CADPS2: variants seen among roughly 807,000 people sequenced by gnomAD.
CADPS2 encodes the protein calcium-dependent secretion activator 2.
Under a neutral mutation model 172.5 loss-of-function variants are expected in CADPS2, and 93 were observed. The observed-to-expected ratio is 0.54, with a 90% confidence interval of 0.46 to 0.64. The LOEUF (loss-of-function observed/expected upper bound fraction) is 0.64, where lower values mean the gene tolerates loss of function less well. CADPS2 is among the 30% of genes least tolerant of loss of function. The pLI is 0.00. For missense variants in CADPS2, 1,420 were observed against 1,565.9 expected (o/e 0.91, Z 1.57); for synonymous variants, 546 against 555.2 (o/e 0.98, Z 0.23).
rs367701027 is a variant in CADPS2, at chr7:122,622,127, G to A, written c.868-410C>T. Among the ~76,000 whole-genome samples the A allele has an allele frequency of 1.1e-4, 16 of 152,224 alleles. No homozygotes were observed. The East Asian group carries it at 3.1e-3, about 29-fold the overall frequency. On this transcript the variant is annotated intron_variant, in intron 4 of 29. Coordinates refer to ENST00000449022, the MANE Select transcript of CADPS2 (RefSeq NM_017954.11). ...CAGGACACACAGCTTTCCAAGTTAG[G>A]AAACAAACATTTTAACAATAGCCCA...
chr7:122,527,015 AAAGG>A (rs2061293351), intron 8 of CADPS2, among the ~76,000 whole-genome samples: 2 of 152,206 alleles, frequency 1.3e-5, no homozygotes, highest in South Asian at 2.1e-4. Flanking sequence ...AAACTATAAT[AAAGG>A]AAGTAAATAT....
intron 6 of CADPS2, among the ~76,000 whole-genome samples, chr7:122,583,684 C>T (rs145056672): frequency 1.4e-4 from 21 of 150,694 alleles, no homozygotes; most frequent in Middle Eastern, 3.6e-3. Flanking sequence ...TGTGTATATA[C>T]GTATATACAT....
chr7:122,575,532 G>T (rs912842433), intron 7 of CADPS2, among the ~76,000 whole-genome samples: 1 of 151,656 alleles, frequency 6.6e-6, no homozygotes, highest in Non-Finnish European at 1.5e-5. Flanking sequence ...CCCCTCCAGG[G>T]TTCAAGCGAT....
chr7:122,506,740 A>AAC (rs1165538367), intron 9 of CADPS2, among the ~76,000 whole-genome samples: 1 of 151,782 alleles, frequency 6.6e-6, no homozygotes, highest in Non-Finnish European at 1.5e-5. Context: ...AAAAAAAAAA[A>AAC]AAACAAACAA....
rs541327668 is a variant in CADPS2, at chr7:122,484,395, A to G, written c.1853-3535T>C. 1.8e-3 allele frequency among the ~76,000 whole-genome samples: 274 copies of G among 152,198 alleles called. 2 individuals carry two copies. Among genetic ancestry groups the G allele is most frequent in the African/African-American group, 6.2e-3 (257 of 41,562 alleles). On this transcript the variant is annotated intron_variant, in intron 11 of 29. Coordinates refer to ENST00000449022, the MANE Select transcript of CADPS2 (RefSeq NM_017954.11). ...GATTTTTCACAAATATGCAAGGGCA[A>G]TTCAGGGTACGATAATCTCTTCAAC...
At chr7:122,386,550 AATAGG>A (rs1349832383) in intron 24 of CADPS2, among the ~76,000 whole-genome samples, 1 of 151,978 alleles carries the variant, frequency 6.6e-6, no homozygotes, top group African/African-American at 2.4e-5. Flanking sequence ...AAATAGAAAG[AATAGG>A]ATATTTATTG....
chr7:122,668,413 A>C (rs1026454850), intron 2 of CADPS2, among the ~76,000 whole-genome samples: 59 of 151,952 alleles, frequency 3.9e-4, no homozygotes, highest in East Asian at 7.7e-4. Context: ...AAAAAAAAAA[A>C]AAAAACAAAA....
At chr7:122,540,710 T>C (rs2062824032) in intron 8 of CADPS2, among the ~76,000 whole-genome samples, 1 of 152,182 alleles carries the variant, frequency 6.6e-6, no homozygotes, top group African/African-American at 2.4e-5. Context: ...ATTGTAGTTA[T>C]AATCCATTCA....
At chr7:122,501,416 T>C (rs1305262036) in intron 9 of CADPS2, among the ~76,000 whole-genome samples, 1 of 152,098 alleles carries the variant, frequency 6.6e-6, no homozygotes, top group Non-Finnish European at 1.5e-5. Context: ...CAAGCTTCAC[T>C]GAAAAGAAAA....
intron 9 of CADPS2, among the ~76,000 whole-genome samples, chr7:122,493,720 CTTTTT>C (rs10544810): frequency 0.03 from 3,957 of 131,586 alleles, 161 homozygotes; most frequent in African/African-American, 0.1. Context: ...TATGTTTAAT[CTTTTT>C]TTTTTTTTTT....
chr7:122,729,249 A>C (rs947523712), intron 2 of CADPS2, among the ~76,000 whole-genome samples: 1 of 151,690 alleles, frequency 6.6e-6, no homozygotes, highest in Non-Finnish European at 1.5e-5. Flanking sequence ...ATATCACATT[A>C]TATTTATCCA....
intron 6 of CADPS2, among the ~76,000 whole-genome samples, chr7:122,597,182 G>C (rs1316701712): frequency 1.3e-5 from 2 of 152,022 alleles, no homozygotes; most frequent in Non-Finnish European, 1.5e-5. Context: ...TGAGGCTTGG[G>C]GGGTCAAATA....
intron 2 of CADPS2, among the ~76,000 whole-genome samples, chr7:122,666,913 G>A (rs946247758): frequency 3.9e-5 from 6 of 152,066 alleles, no homozygotes; most frequent in Non-Finnish European, 8.8e-5. Flanking sequence ...GCAACACTTC[G>A]GTGAACTACT....
At chr7:122,544,208 C>T (rs1166003856) in intron 8 of CADPS2, among the ~76,000 whole-genome samples, 8 of 151,922 alleles carry the variant, frequency 5.3e-5, no homozygotes. Context: ...GGATAAAGTA[C>T]AGTATGTTTG....
In CADPS2 at chr7:122,529,470, T is replaced by A. The variant is rs368978993; in HGVS notation, c.1476-16155A>T. The stretch of plus-strand genomic sequence containing the variant: ...TACACATAAAACTAGGGATAAAGAC[T>A]AGAAATCTGTTACATGAACTTGTAG... On this transcript the variant is annotated intron_variant, in intron 8 of 29. Transcript: ENST00000449022. 2.0e-5 allele frequency among the ~76,000 whole-genome samples: 3 copies of A among 152,006 alleles called. No individual in the cohort carries two copies. The East Asian group carries it at 5.8e-4, about 29-fold the overall frequency.
intron 6 of CADPS2, among the ~76,000 whole-genome samples, chr7:122,599,117 T>G (rs1460702427): frequency 6.6e-6 from 1 of 152,116 alleles, no homozygotes; most frequent in Non-Finnish European, 1.5e-5. Context: ...GAATGGGACC[T>G]GCTCCTAGTA....
At chr7:122,564,785 T>C (rs546183950) in intron 7 of CADPS2, among the ~76,000 whole-genome samples, 18 of 151,796 alleles carry the variant, frequency 1.2e-4, no homozygotes, top group African/African-American at 3.9e-4. Flanking sequence ...AACAGATAAC[T>C]GCATAAAATT....
At chr7:122,537,599 C>T (rs1391008192) in intron 8 of CADPS2, among the ~76,000 whole-genome samples, 1 of 151,602 alleles carries the variant, frequency 6.6e-6, no homozygotes, top group Non-Finnish European at 1.5e-5. Flanking sequence ...AAACTCAAGG[C>T]TATTGGGATA....
chr7:122,703,313 A>G (rs1163043735), intron 2 of CADPS2, among the ~76,000 whole-genome samples: 2 of 152,100 alleles, frequency 1.3e-5, no homozygotes, highest in African/African-American at 2.4e-5. Context: ...GCATGGTTCA[A>G]CACTACCCAA....
Sources: allele counts gnomAD v4.1 joint callset (sites outside exome capture counted in the v4.1 genomes callset), GRCh38; gene constraint gnomAD v4.1.1; transcripts MANE v1.5; gene names NCBI Gene and HGNC (gene_info 2026-07-23, HGNC 2026-07-21).